Variants in ZPBP observed in about 807,000 individuals in gnomAD.
The protein encoded by ZPBP is zona pellucida binding protein.
In ZPBP, 26 loss-of-function variants were observed where a neutral mutation model predicts 44.8. The observed-to-expected ratio is 0.58, with a 90% CI of 0.43 to 0.81. The LOEUF (loss-of-function observed/expected upper bound fraction) is 0.81. Among genes scored for constraint, ZPBP ranks in the 30% least tolerant of loss-of-function variants. The pLI is 0.00. For missense variants in ZPBP, 409 were observed against 434.0 expected, an observed-to-expected ratio of 0.94 and a Z score of 0.51; for synonymous variants, 174 against 153.2, an observed-to-expected ratio of 1.14 and a Z score of -1.00.
At chr7:50,079,718 C>A (rs1802271067) in intron 3 of ZPBP, among the ~76,000 whole-genome samples, 1 of 151,632 alleles carries the variant, frequency 6.6e-6, no homozygotes, top group African/African-American at 2.4e-5. Flanking sequence ...TCACCACACA[C>A]ACACAAAATG....
At chr7:50,062,873 A>C (rs1801314912) in intron 3 of ZPBP, among the ~76,000 whole-genome samples, 2 of 152,178 alleles carry the variant, frequency 1.3e-5, no homozygotes, top group South Asian at 4.1e-4. Context: ...ATAAGGAATC[A>C]GAGAGACTGA....
chr7:49,950,865 C>T (rs751605013), intron 7 of ZPBP, among the ~76,000 whole-genome samples: 1 of 151,652 alleles, frequency 6.6e-6, no homozygotes, highest in Non-Finnish European at 1.5e-5. Flanking sequence ...TACAAAGCTA[C>T]AATAATCAAA....
At chr7:49,980,064 A>G in intron 7 of ZPBP, among the ~76,000 whole-genome samples, 1 of 90,106 alleles carries the variant, frequency 1.1e-5, no homozygotes, top group South Asian at 3.2e-4. Context: ...ATTTTATATT[A>G]TATTATAATA....
chr7:49,997,385 T>C (rs910073881), intron 6 of ZPBP, among the ~76,000 whole-genome samples: 4 of 152,198 alleles, frequency 2.6e-5, no homozygotes, highest in Admixed American at 1.3e-4. Flanking sequence ...CTTTAACATC[T>C]AATACCCCAT....
intron 7 of ZPBP, among the ~76,000 whole-genome samples, chr7:49,970,011 C>G (rs1462940390): frequency 2.5e-5 from 2 of 80,420 alleles, no homozygotes; most frequent in Admixed American, 2.8e-4. Flanking sequence ...AGGCATGCAC[C>G]ACCACTCCCA....
chr7:49,921,509 T>TAC (rs1186603787), intron 1 of ZPBP: 4 of 152,218 alleles, frequency 2.6e-5, no homozygotes, highest in African/African-American at 9.6e-5. Flanking sequence ...ATTTATCAGG[T>TAC]ACACGTTACC....
chr7:49,973,669 T>C (rs1213092315), intron 7 of ZPBP, among the ~76,000 whole-genome samples: 1 of 152,006 alleles, frequency 6.6e-6, no homozygotes, highest in Admixed American at 6.5e-5. Context: ...AGACGGCTAG[T>C]GTAAAAAACA....
intron 4 of ZPBP, among the ~76,000 whole-genome samples, chr7:50,038,354 A>C (rs1799915140): frequency 6.6e-6 from 1 of 152,236 alleles, no homozygotes; most frequent in Non-Finnish European, 1.5e-5. Context: ...GTTATAAGCT[A>C]AACTACAAGT....
chr7:49,968,859 T>C (rs1259087738), intron 7 of ZPBP, among the ~76,000 whole-genome samples: 4 of 152,070 alleles, frequency 2.6e-5, no homozygotes, highest in African/African-American at 9.6e-5. Flanking sequence ...AATAGCATAC[T>C]ACATATCAGG....
At chr7:50,092,442 A>G (rs963001812) in intron 1 of ZPBP, among the ~76,000 whole-genome samples, 8 of 151,982 alleles carry the variant, frequency 5.3e-5, no homozygotes, top group Non-Finnish European at 1.2e-4. Flanking sequence ...TTTGAAGCAA[A>G]TCTCTGTGAT....
At position 50,093,119 on chromosome 7, in the gene ZPBP, C is replaced by T. The variant is rs1312734566; in HGVS notation, c.76G>A (p.Ala26Thr). ...GCGGAGATAAAGAGGAGGATGGCGG[C>T]CCGAGAGAGCAGGGAGCCGGCGGCC... ...TRAAGSLLSRAAILLFISAFL... is the reference protein window; with the variant it reads ...TRAAGSLLSRTAILLFISAFL... The change falls in exon 1 of 8, where the codon GCC becomes ACC. Residue 26 changes from alanine (A) to threonine (T), a missense_variant. Physicochemically the swap from Ala to Thr is moderately conservative, Grantham distance 58 (BLOSUM62 0). Coordinates refer to ENST00000046087, the MANE Select transcript of ZPBP (RefSeq NM_007009.3). 1.9e-6 allele frequency: 3 copies of T among 1,582,450 alleles called. No homozygotes were observed. The highest frequency in any genetic ancestry group is 1.4e-5 in the African/African-American group (1 of 73,706).
At chr7:49,956,434 A>G (rs1435838797) in intron 7 of ZPBP, among the ~76,000 whole-genome samples, 1 of 152,088 alleles carries the variant, frequency 6.6e-6, no homozygotes, top group Non-Finnish European at 1.5e-5. Flanking sequence ...AAATATGTAA[A>G]TGTAGCAAAG....
intron 5 of ZPBP, among the ~76,000 whole-genome samples, chr7:50,026,257 A>G (rs1392902436): frequency 1.7e-5 from 2 of 119,220 alleles, no homozygotes; most frequent in South Asian, 2.7e-4. Context: ...AACATTTATA[A>G]CTATATAGGC....
chr7:49,936,346 C>A (rs903377689), downstream of ZPBP, among the ~76,000 whole-genome samples: 3 of 152,174 alleles, frequency 2.0e-5, no homozygotes, highest in African/African-American at 4.8e-5. Context: ...AGTAGAGCCA[C>A]ATGTCATTTA....
chr7:50,013,366 A>G (rs1798672858), intron 6 of ZPBP, among the ~76,000 whole-genome samples: 1 of 151,998 alleles, frequency 6.6e-6, no homozygotes, highest in African/African-American at 2.4e-5. Flanking sequence ...AGAGCTCATG[A>G]AGGAGACCAC....
intron 1 of ZPBP, among the ~76,000 whole-genome samples, chr7:49,901,978 A>C (rs533932644): frequency 6.7e-6 from 1 of 150,022 alleles, no homozygotes; most frequent in East Asian, 1.9e-4. Flanking sequence ...ACAACTGAGC[A>C]TCCACATGTG....
chr7:49,857,304 CT>C (rs1790467161), intron 2 of ZPBP, among the ~76,000 whole-genome samples: 1 of 152,178 alleles, frequency 6.6e-6, no homozygotes, highest in African/African-American at 2.4e-5. Flanking sequence ...CTGTGACTGG[CT>C]TTTTCCACTA....
intron 2 of ZPBP, among the ~76,000 whole-genome samples, chr7:49,898,595 A>T (rs1457699122): frequency 6.6e-6 from 1 of 152,110 alleles, no homozygotes; most frequent in African/African-American, 2.4e-5. Context: ...CACACATATC[A>T]TAAGCATACA....
At chr7:49,916,123 C>T (rs1793710821) in intron 1 of ZPBP, 1 of 152,186 alleles carries the variant, frequency 6.6e-6, no homozygotes, top group Admixed American at 6.5e-5. Flanking sequence ...TATGTCATAT[C>T]CTCACTTCAC....
Sources: gnomAD v4.1 joint callset for allele counts (sites outside exome capture counted in the v4.1 genomes callset) on GRCh38, gnomAD v4.1.1 for gene constraint, MANE v1.5 for transcripts, NCBI Gene and HGNC (gene_info 2026-07-23, HGNC 2026-07-21) for gene names.